Variants in MYSM1 observed in about 807,000 individuals in gnomAD.
The protein encoded by MYSM1 is Myb like, SWIRM and MPN domains 1.
A neutral mutation model predicts 116.0 loss-of-function variants in MYSM1; 51 were observed. The observed-to-expected ratio is 0.44, with a 90% confidence interval of 0.35 to 0.56. The LOEUF is 0.56. Ranked by LOEUF, MYSM1 falls within the 20% of genes least tolerant of loss-of-function variation. The probability of loss-of-function intolerance (pLI) is 0.00; values close to 1 mark genes in which losing one functional copy is unlikely to be tolerated. For missense variants in MYSM1, 900 were observed against 974.9 expected (o/e 0.92, Z 1.02); for synonymous variants, 313 against 315.2 (o/e 0.99, Z 0.07).
Position 58,657,566 on chromosome 1 carries a change from A to C in MYSM1, c.*2431T>G, listed in dbSNP as rs1644335253. The C allele has an allele frequency of 6.6e-6, 1 of 152,202 alleles. No homozygotes were observed. Among genetic ancestry groups the C allele is most frequent in the South Asian group, 2.1e-4 (1 of 4,836 alleles). The allele number at this position is 152,202 out of a possible 1,614,324, so 9.4% of individuals were successfully genotyped here. A position where few individuals can be genotyped will look rare whatever the true frequency, so the allele number is the denominator to read the frequency against. Reference sequence around the variant, plus strand: ...ACAAAAGAAAAAGGAAGCAGGGAAAATGATGGAGGAAGAGAGAAAGAAGTA... The same window carrying C: ...ACAAAAGAAAAAGGAAGCAGGGAAACTGATGGAGGAAGAGAGAAAGAAGTA... On this transcript the variant is annotated 3_prime_UTR_variant, in exon 20 of 20. Coordinates refer to ENST00000472487, the MANE Select transcript of MYSM1 (RefSeq NM_001085487.3).
At chr1:58,665,096 G>A (rs181067849) in intron 17 of MYSM1, among the ~76,000 whole-genome samples, 140 of 152,250 alleles carry the variant, frequency 9.2e-4, no homozygotes, top group Admixed American at 3.3e-3. Context: ...ACCCTAAACC[G>A]GGAGGTGACA....
rs551415732 is a variant in MYSM1, at chr1:58,693,883, T to G, written c.148-952A>C. 8.5e-5 allele frequency among the ~76,000 whole-genome samples: 13 copies of G among 152,330 alleles called. No individual in the cohort carries two copies. In the South Asian group the frequency reaches 2.7e-3, roughly 32 times the overall value. On this transcript the variant is annotated intron_variant, in intron 2 of 19. Coordinates refer to ENST00000472487, the MANE Select transcript of MYSM1 (RefSeq NM_001085487.3). ...TCCTTTAAAACAAAATGTAAACCCT[T>G]TAGCATAATCCGACTCATAAGTCCT...
At chr1:58,680,161 C>T (rs1214695849) in intron 8 of MYSM1, among the ~76,000 whole-genome samples, 1 of 151,890 alleles carries the variant, frequency 6.6e-6, no homozygotes, top group African/African-American at 2.4e-5. Flanking sequence ...AAAGTAGATA[C>T]CAATAGAAAT....
chr1:58,679,884 C>T (rs964369857), intron 8 of MYSM1, among the ~76,000 whole-genome samples: 5 of 151,880 alleles, frequency 3.3e-5, no homozygotes, highest in African/African-American at 9.7e-5. Flanking sequence ...AAAAATTAGC[C>T]GGGCGTGGTG....
chr1:58,668,445 C>T, intron 14 of MYSM1, 187 bp downstream of exon 14: 1 of 1,331,374 alleles, frequency 7.5e-7, no homozygotes. Flanking sequence ...TTTATTTTCT[C>T]TAAAATATGG....
rs1299999480 is a variant in MYSM1, at chr1:58,655,492, AGGC to A, written c.*4502_*4504del. On this transcript the variant is annotated 3_prime_UTR_variant, in exon 20 of 20. Transcript: ENST00000472487. ...TTTTTATTTTTTCCTGATTTAGTGG[AGGC>A]AACTATTTATTCCCTCCCTTGTTCC... 6.6e-6 allele frequency: 1 copy of A among 152,118 alleles called. No homozygotes were observed. Among genetic ancestry groups the A allele is most frequent in the Non-Finnish European group, 1.5e-5 (1 of 68,012 alleles). 9.4% of individuals were successfully genotyped at this position (152,118 alleles called of 1,614,324 possible).
chr1:58,661,064 T>C (rs906397473), intron 19 of MYSM1, 106 bp downstream of exon 19: 3 of 790,250 alleles, frequency 3.8e-6, no homozygotes, highest in Middle Eastern at 4.7e-4. Flanking sequence ...AAAAGAAATA[T>C]ACAGAAAATT....
At chr1:58,668,369 GAC>G (rs1244430505) in intron 14 of MYSM1, 2 of 1,089,184 alleles carry the variant, frequency 1.8e-6, no homozygotes, top group East Asian at 8.7e-5. Context: ...AAAAGTGGCA[GAC>G]ACATATATTA....
rs1203427793 is a variant in MYSM1 at position 58,673,466 on chromosome 1, TAC to T, written c.1572+105_1572+106del. The T allele has an allele frequency of 7.6e-6, 7 of 922,540 alleles. No individual in the cohort carries two copies. In the Admixed American group the frequency reaches 1.5e-4, roughly 20 times the overall value. 57.1% of individuals were successfully genotyped at this position (922,540 alleles called of 1,614,324 possible). A position where few individuals can be genotyped will look rare whatever the true frequency, so the allele number is the denominator to read the frequency against. On this transcript the variant is annotated intron_variant, in intron 11 of 19. Coordinates refer to ENST00000472487, the MANE Select transcript of MYSM1 (RefSeq NM_001085487.3). The stretch of plus-strand genomic sequence containing the variant: ...ACAAATTAACATGGGAATGAACACA[TAC>T]ATGTTAATGTATGAAACAAGTACAA...
At position 58,660,099 on chromosome 1, in the gene MYSM1, T is replaced by C. The variant is rs1644369469; in HGVS notation, c.2385A>G (p.Glu795=). ...AATTTTCTATTTCAGTCAAGAATTC[T>C]TCAGCCATAAAGCAATTGGTCACTT... ...LSKVTNCFMA[E]EFLTEIENLF... is the part of the protein sequence containing the mutation. The change falls in exon 20 of 20, where the codon GAA becomes GAG. Residue 795 remains glutamate, a synonymous_variant. Coordinates refer to ENST00000472487, the MANE Select transcript of MYSM1 (RefSeq NM_001085487.3). 1 of 1,611,298 alleles carries C rather than the reference T, an allele frequency of 6.2e-7. No individual in the cohort carries two copies. Among genetic ancestry groups the C allele is most frequent in the Admixed American group, 1.7e-5 (1 of 59,738 alleles).
At chr1:58,662,998 A>G (rs553073877) in intron 17 of MYSM1, among the ~76,000 whole-genome samples, 17 of 152,270 alleles carry the variant, frequency 1.1e-4, no homozygotes, top group Admixed American at 7.9e-4. Context: ...AACACTTTAC[A>G]TATATTACTG....
intron 1 of MYSM1, chr1:58,699,509 T>G: frequency 4.0e-6 from 2 of 495,632 alleles, no homozygotes; most frequent in Non-Finnish European, 5.2e-6. Flanking sequence ...ACCTGGCCCA[T>G]TTAAGTCAAC....
intron 1 of MYSM1, among the ~76,000 whole-genome samples, chr1:58,696,779 C>T (rs1282947715): frequency 1.3e-5 from 2 of 152,178 alleles, no homozygotes; most frequent in Non-Finnish European, 2.9e-5. Context: ...GGTTTTGATA[C>T]ACTGTTGTAT....
intron 1 of MYSM1, among the ~76,000 whole-genome samples, chr1:58,697,832 G>T (rs184352395): frequency 2.0e-5 from 3 of 151,226 alleles, no homozygotes; most frequent in African/African-American, 7.3e-5. Flanking sequence ...CAGGTGATCC[G>T]CCCGCCTTGG....
At chr1:58,692,811 A>AT (rs748442475) in intron 3 of MYSM1, 50 bp downstream of exon 3, 9 of 1,478,252 alleles carry the variant, frequency 6.1e-6, no homozygotes, top group South Asian at 3.7e-5. Flanking sequence ...GCATTTATAG[A>AT]TTTTTTTCAC....
chr1:58,691,609 T>G (rs969711242), intron 3 of MYSM1, among the ~76,000 whole-genome samples: 12 of 152,234 alleles, frequency 7.9e-5, no homozygotes, highest in African/African-American at 2.6e-4. Context: ...GGCTCACACC[T>G]GTAATCCCAG....
chr1:58,691,590 G>A (rs563494550), intron 3 of MYSM1, among the ~76,000 whole-genome samples: 8 of 151,674 alleles, frequency 5.3e-5, no homozygotes, highest in East Asian at 2.0e-4. Context: ...GATTTTGGCC[G>A]GGCGCAGTGG....
rs751821039 is a variant in MYSM1 at position 58,671,952 on chromosome 1, A to C, written c.1579T>G (p.Ser527Ala). ...DLEGQTFEHL[S>A]AEELAKRREE... ...CTTCTTTTTGCCAACTCCTCAGCAG[A>C]GAGATGCTAAAACAAAATGCCAATT... Residue 527 changes from serine (S) to alanine (A), a missense_variant, in exon 12 of 20, where the codon TCT (serine) becomes GCT (alanine). Coordinates refer to ENST00000472487, the MANE Select transcript of MYSM1 (RefSeq NM_001085487.3). 1 of 1,612,644 alleles carries C rather than the reference A, an allele frequency of 6.2e-7. No individual in the cohort carries two copies. The highest frequency in any genetic ancestry group is 8.5e-7 in the Non-Finnish European group (1 of 1,179,446).
chr1:58,660,121 A>C lies in MYSM1; in HGVS notation c.2363T>G (p.Val788Gly). Reference sequence around the variant, plus strand: ...TTCTTCAGCCATAAAGCAATTGGTCACTTTGCTCAGAGTCTTCCTCATACA... The same window carrying C: ...TTCTTCAGCCATAAAGCAATTGGTCCCTTTGCTCAGAGTCTTCCTCATACA... The part of the protein sequence containing the change: ...LECMRKTLSK[V>G]TNCFMAEEFL... Residue 788 changes from valine (V) to glycine (G), a missense_variant, in exon 20 of 20, where the codon GTG (valine) becomes GGG (glycine). By Grantham distance (109) the Val-to-Gly change is moderately radical. Transcript: ENST00000472487. The C allele has an allele frequency of 6.2e-7, 1 of 1,607,820 alleles. No homozygotes were observed. Among genetic ancestry groups the C allele is most frequent in the Non-Finnish European group, 8.5e-7 (1 of 1,177,300 alleles).
Sources: allele counts gnomAD v4.1 joint callset (sites outside exome capture counted in the v4.1 genomes callset), GRCh38; gene constraint gnomAD v4.1.1; transcripts MANE v1.5; gene names NCBI Gene and HGNC (gene_info 2026-07-23, HGNC 2026-07-21).